The following TBC1D22A variants were observed in gnomAD, a reference collection of about 807,000 sequenced individuals.
TBC1D22A encodes putative GTPase activator.
TBC1D22A carries 38 observed loss-of-function variants against 60.2 expected under a neutral mutation model. That is an observed-to-expected ratio of 0.63 (90% CI 0.49 to 0.83). The LOEUF is 0.83. TBC1D22A is among the 40% of genes least tolerant of loss of function. TBC1D22A has a pLI of 0.00. For synonymous variants in TBC1D22A, 302 were observed against 281.7 expected, an observed-to-expected ratio of 1.07 and a Z score of -0.72; for missense variants, 628 against 701.0, an observed-to-expected ratio of 0.90 and a Z score of 1.18.
intron 1 of TBC1D22A, among the ~76,000 whole-genome samples, chr22:46,790,321 T>A (rs2084353000): frequency 6.6e-6 from 1 of 152,234 alleles, no homozygotes; most frequent in South Asian, 2.1e-4. Context: ...GCCAGGAAGG[T>A]TCTCTGCTTT....
rs1205045707 is a variant in TBC1D22A, at chr22:46,990,442, C to G, written c.1126-7192C>G. Among the ~76,000 whole-genome samples, 1 of 152,156 alleles carries G rather than the reference C, an allele frequency of 6.6e-6. No homozygotes were observed. Among genetic ancestry groups the G allele is most frequent in the Non-Finnish European group, 1.5e-5 (1 of 68,030 alleles). On this transcript the variant is annotated intron_variant, in intron 9 of 12. Transcript: ENST00000337137. This position sits in a 1 kb window ranked among gnomAD's most constrained non-coding sequence, Gnocchi z 4.6. ...GCGTCCTCCTTCAGCCCCAGCCTCC[C>G]TGTGATTAGTATCTCACATCACTGA...
chr22:47,024,005 C>G (rs1037063833), intron 10 of TBC1D22A, among the ~76,000 whole-genome samples: 15 of 152,194 alleles, frequency 9.9e-5, no homozygotes, highest in Non-Finnish European at 2.2e-4. Flanking sequence ...GAAACAATAA[C>G]AGTGTACTGT....
intron 8 of TBC1D22A, among the ~76,000 whole-genome samples, chr22:46,960,864 G>T (rs968402299): frequency 2.0e-5 from 3 of 150,262 alleles, no homozygotes; most frequent in African/African-American, 7.4e-5. Flanking sequence ...GGAGAATGGC[G>T]TGAACCCAGG....
In TBC1D22A at chr22:47,110,308, C is replaced by T. The variant is rs187716563; in HGVS notation, c.1330-1200C>T. Among the ~76,000 whole-genome samples the T allele has an allele frequency of 1.9e-3, 283 of 152,092 alleles. 1 individual carries two copies. The highest frequency in any genetic ancestry group is 6.5e-3 in the African/African-American group (270 of 41,486). ...CAGCCTGGCCAACATGGTGAAACCCCGTCTCTACTAAAAATACAAAATTAG... is the reference window on the plus strand; with the variant it reads ...CAGCCTGGCCAACATGGTGAAACCCTGTCTCTACTAAAAATACAAAATTAG... On this transcript the variant is annotated intron_variant, in intron 11 of 12. Coordinates refer to ENST00000337137, the MANE Select transcript of TBC1D22A (RefSeq NM_014346.5).
chr22:47,023,022 A>G (rs1298753460), intron 10 of TBC1D22A, among the ~76,000 whole-genome samples: 1 of 152,264 alleles, frequency 6.6e-6, no homozygotes, highest in Non-Finnish European at 1.5e-5. Context: ...AAGATCGCAG[A>G]TAATGAGAAC....
intron 12 of TBC1D22A, among the ~76,000 whole-genome samples, chr22:47,168,386 T>C (rs1312695989): frequency 6.7e-6 from 1 of 148,692 alleles, no homozygotes; most frequent in Non-Finnish European, 1.5e-5. Context: ...TAGTAGGTGG[T>C]GGAGATGCTG....
chr22:46,879,167 G>T (rs2067724087), intron 5 of TBC1D22A, among the ~76,000 whole-genome samples: 1 of 147,764 alleles, frequency 6.8e-6, no homozygotes, highest in South Asian at 2.2e-4. Flanking sequence ...GAAAAGAGAA[G>T]AAATGGATGA....
intron 7 of TBC1D22A, among the ~76,000 whole-genome samples, chr22:46,907,147 CGT>C (rs979233867): frequency 6.6e-6 from 1 of 151,682 alleles, no homozygotes; most frequent in African/African-American, 2.4e-5. Context: ...TGTGTGTGTG[CGT>C]GTGTTCTTCT....
chr22:47,004,735 T>C (rs1202819188), intron 10 of TBC1D22A, among the ~76,000 whole-genome samples: 1 of 146,066 alleles, frequency 6.8e-6, no homozygotes, highest in Non-Finnish European at 1.5e-5. Context: ...CATATACACA[T>C]ACACACACCT....
chr22:46,939,606 A>G (rs1160096191), intron 8 of TBC1D22A, among the ~76,000 whole-genome samples: 1 of 152,262 alleles, frequency 6.6e-6, no homozygotes, highest in Non-Finnish European at 1.5e-5. Context: ...TGGCTTGGTC[A>G]TTGTAATTGA....
intron 11 of TBC1D22A, among the ~76,000 whole-genome samples, chr22:47,082,786 G>A (rs1437669630): frequency 6.6e-6 from 1 of 152,220 alleles, no homozygotes; most frequent in Non-Finnish European, 1.5e-5. Context: ...TGATGGGAAT[G>A]TTAAGTGGTA....
At chr22:46,846,048 A>G (rs1442759737) in intron 4 of TBC1D22A, among the ~76,000 whole-genome samples, 1 of 152,266 alleles carries the variant, frequency 6.6e-6, no homozygotes, top group Non-Finnish European at 1.5e-5. Flanking sequence ...CTTTTTAGAC[A>G]TCCATCTGTC....
intron 12 of TBC1D22A, among the ~76,000 whole-genome samples, chr22:47,165,354 G>C (rs984117478): frequency 1.3e-5 from 2 of 152,202 alleles, no homozygotes; most frequent in African/African-American, 2.4e-5. Context: ...CAGTGGTCAT[G>C]ATGAGCACGA....
At chr22:46,849,334 A>G (rs915285071) in intron 4 of TBC1D22A, among the ~76,000 whole-genome samples, 3 of 152,166 alleles carry the variant, frequency 2.0e-5, no homozygotes, top group African/African-American at 7.2e-5. Context: ...TGCCAACTGC[A>G]TTCCTCCTGG....
At chr22:46,910,772 C>A (rs6009048) in intron 7 of TBC1D22A, among the ~76,000 whole-genome samples, 1,704 of 151,796 alleles carry the variant, frequency 0.011, 32 homozygotes, top group African/African-American at 0.039. Flanking sequence ...CCAGGGGAGT[C>A]GAGACCCAGG....
intron 1 of TBC1D22A, chr22:46,773,912 T>C: frequency 1.0e-6 from 1 of 985,206 alleles, no homozygotes; most frequent in Non-Finnish European, 1.2e-6. Flanking sequence ...GTGGCAAAGC[T>C]GGGGTTTGAA....
intron 4 of TBC1D22A, among the ~76,000 whole-genome samples, chr22:46,812,171 A>T (rs1308517737): frequency 6.6e-6 from 1 of 152,070 alleles, no homozygotes; most frequent in Non-Finnish European, 1.5e-5. Flanking sequence ...TGGGGGTGAC[A>T]CTTTGAAATT....
At chr22:46,776,056 G>A (rs950990185) in intron 1 of TBC1D22A, among the ~76,000 whole-genome samples, 1 of 152,240 alleles carries the variant, frequency 6.6e-6, no homozygotes, top group Non-Finnish European at 1.5e-5. Flanking sequence ...AGCTTCTGCC[G>A]CAAGGATGCT....
chr22:46,768,484 CAAAAAAAAAAAA>C (rs3083471), intron 1 of TBC1D22A, among the ~76,000 whole-genome samples: 10 of 80,358 alleles, frequency 1.2e-4, no homozygotes, highest in Non-Finnish European at 2.1e-4. Flanking sequence ...GACTCTGTCT[CAAAAAAAAAAAA>C]AAAAAAAAAA....
Sources: allele counts gnomAD v4.1 joint callset (sites outside exome capture counted in the v4.1 genomes callset), GRCh38; gene constraint gnomAD v4.1.1; non-coding constraint Gnocchi (gnomAD v3.1); transcripts MANE v1.5; gene names NCBI Gene and HGNC (gene_info 2026-07-23, HGNC 2026-07-21).